The following IGF2BP2 variants were observed in gnomAD, a reference collection of about 807,000 sequenced individuals.
IGF2BP2 encodes the protein insulin-like growth factor 2 mRNA-binding protein 2.
IGF2BP2 carries 17 observed loss-of-function variants against 75.8 expected under a neutral mutation model. The observed-to-expected ratio is 0.22, with a 90% CI of 0.15 to 0.34. The LOEUF (loss-of-function observed/expected upper bound fraction) is 0.34, where lower values mean the gene tolerates loss of function less well. IGF2BP2 is among the 10% of genes least tolerant of loss of function. The pLI, the probability that IGF2BP2 is intolerant of heterozygous loss-of-function variation, is 1.00. For missense variants in IGF2BP2, 516 were observed against 772.4 expected (o/e 0.67, Z 3.93); for synonymous variants, 288 against 295.6 (o/e 0.97, Z 0.26).
At chr3:185,750,009 T>C (rs1458228803) in intron 2 of IGF2BP2, among the ~76,000 whole-genome samples, 1 of 152,188 alleles carries the variant, frequency 6.6e-6, no homozygotes, top group Non-Finnish European at 1.5e-5. Flanking sequence ...CCTAGCTCAG[T>C]TGTTTTGAAC....
At chr3:185,762,265 C>T (rs1732469245) in intron 2 of IGF2BP2, among the ~76,000 whole-genome samples, 1 of 151,244 alleles carries the variant, frequency 6.6e-6, no homozygotes, top group Non-Finnish European at 1.5e-5. Context: ...CGGTGGCTCA[C>T]ACCTGTAATC....
At chr3:185,733,555 G>A (rs1360288685) in intron 2 of IGF2BP2, among the ~76,000 whole-genome samples, 8 of 152,156 alleles carry the variant, frequency 5.3e-5, no homozygotes, top group South Asian at 4.1e-4. Flanking sequence ...TCGGGAGTTC[G>A]AGACCAGCCT....
chr3:185,725,655 G>C (rs1727221057), intron 2 of IGF2BP2, among the ~76,000 whole-genome samples: 1 of 152,134 alleles, frequency 6.6e-6, no homozygotes, highest in Admixed American at 6.5e-5. Flanking sequence ...TATAATCTAA[G>C]AAGTATCAAA....
chr3:185,657,235 G>A (rs1715591880), intron 12 of IGF2BP2, 51 bp downstream of exon 12: 1 of 1,248,416 alleles, frequency 8.0e-7, no homozygotes, highest in African/African-American at 1.5e-5. Flanking sequence ...AAGGGCCGTG[G>A]GATGAGAGGA....
At chr3:185,801,380 T>C (rs1411581977) in intron 2 of IGF2BP2, among the ~76,000 whole-genome samples, 3 of 150,528 alleles carry the variant, frequency 2.0e-5, no homozygotes, top group Non-Finnish European at 4.4e-5. Context: ...TCCCAGCTAC[T>C]CAGGAGGCTG....
chr3:185,814,148 A>C (rs914030653), intron 2 of IGF2BP2: 1 of 152,130 alleles, frequency 6.6e-6, no homozygotes, highest in Non-Finnish European at 1.5e-5. Flanking sequence ...TGGTTTAGTC[A>C]CCTACACTTC....
intron 2 of IGF2BP2, among the ~76,000 whole-genome samples, chr3:185,795,993 G>A (rs1030976797): frequency 1.3e-5 from 2 of 152,190 alleles, no homozygotes; most frequent in Non-Finnish European, 1.5e-5. Flanking sequence ...ATTGTATGAT[G>A]TAGAGGAAAA....
intron 10 of IGF2BP2, among the ~76,000 whole-genome samples, chr3:185,668,546 T>C (rs1202239735): frequency 1.4e-5 from 2 of 147,654 alleles, no homozygotes; most frequent in Non-Finnish European, 3.0e-5. Context: ...GTACTACATA[T>C]ATAGTTAAGT....
At chr3:185,723,995 C>T (rs753415667) in intron 2 of IGF2BP2, among the ~76,000 whole-genome samples, 4 of 152,178 alleles carry the variant, frequency 2.6e-5, no homozygotes, top group South Asian at 2.1e-4. Flanking sequence ...ACAAATCCAG[C>T]GCCAGACTAT....
chr3:185,752,502 G>A (rs1168260439), intron 2 of IGF2BP2, among the ~76,000 whole-genome samples: 9 of 152,050 alleles, frequency 5.9e-5, no homozygotes, highest in Non-Finnish European at 8.8e-5. Flanking sequence ...TTGTTTTAAT[G>A]GGAAATTTAA....
chr3:185,799,005 G>A (rs1469208777), intron 2 of IGF2BP2, among the ~76,000 whole-genome samples: 2 of 151,694 alleles, frequency 1.3e-5, no homozygotes, highest in Non-Finnish European at 2.9e-5. Flanking sequence ...CGAATTCCTA[G>A]GCTCAAGTGA....
At chr3:185,725,099 C>G (rs2149485475) in intron 2 of IGF2BP2, 1 of 152,258 alleles carries the variant, frequency 6.6e-6, no homozygotes, top group Non-Finnish European at 1.5e-5. Flanking sequence ...GTCAATTCAC[C>G]CCAGCTTTTG....
chr3:185,645,284 T>A lies in IGF2BP2; in HGVS notation c.*247A>T. ...GATGGTGAAGTGGATGGCTGAAGCC[T>A]GCAGAAGCCCTGGGGGGCGGGAGGC... is the stretch of plus-strand genomic sequence containing the variant. On this transcript the variant is annotated 3_prime_UTR_variant, in exon 16 of 16. Transcript: ENST00000382199. The surrounding 1 kb of genome is among the most constrained non-coding windows in gnomAD (Gnocchi z 4.9). 4 of 541,976 alleles carry A rather than the reference T, an allele frequency of 7.4e-6. No individual in the cohort carries two copies. Among genetic ancestry groups the A allele is most frequent in the Non-Finnish European group, 1.3e-5 (4 of 303,298 alleles). 33.6% of individuals were successfully genotyped at this position (541,976 alleles called of 1,614,324 possible).
intron 2 of IGF2BP2, chr3:185,722,387 T>C (rs1399579932): frequency 2.5e-6 from 1 of 393,962 alleles, no homozygotes; most frequent in Non-Finnish European, 5.0e-6. Flanking sequence ...CAACAAGAAC[T>C]GAATCACGCT....
chr3:185,800,803 G>A (rs1341672937), intron 2 of IGF2BP2, among the ~76,000 whole-genome samples: 1 of 152,126 alleles, frequency 6.6e-6, no homozygotes, highest in Non-Finnish European at 1.5e-5. Context: ...ACATAGGCAT[G>A]TGCAAAGATT....
At chr3:185,761,413 T>C (rs1410581597) in intron 2 of IGF2BP2, among the ~76,000 whole-genome samples, 1 of 152,148 alleles carries the variant, frequency 6.6e-6, no homozygotes, top group Non-Finnish European at 1.5e-5. Context: ...GGCTGATGCC[T>C]CCATTAATAT....
chr3:185,689,247 C>G (rs1721572471), intron 6 of IGF2BP2, 108 bp downstream of exon 6: 1 of 1,150,982 alleles, frequency 8.7e-7, no homozygotes, highest in Admixed American at 2.2e-5. Context: ...TCTTACAGCA[C>G]AGCCCCCCAC....
At position 185,649,532 on chromosome 3, in the gene IGF2BP2, G is replaced by A. The variant is rs748167323; in HGVS notation, c.1464C>T (p.Ala488=). 2 of 1,613,976 alleles carry A rather than the reference G, an allele frequency of 1.2e-6. No individual in the cohort carries two copies. The highest frequency in any genetic ancestry group is 2.2e-5 in the East Asian group (1 of 44,874). The change falls in exon 14 of 16, where the codon GCC becomes GCT. Residue 488 remains alanine, a splice_region_variant and synonymous_variant. Coordinates refer to ENST00000382199, the MANE Select transcript of IGF2BP2 (RefSeq NM_006548.6). Reference sequence around the variant, plus strand: ...TCAGTTTCCCAAAGATCCGTCCCTGGGCCTGAGAGAGCAAGACATGACTAA... The same window carrying A: ...TCAGTTTCCCAAAGATCCGTCCCTGAGCCTGAGAGAGCAAGACATGACTAA... ...ITGPPEAQFK[A]QGRIFGKLKE...
chr3:185,793,957 CTT>C (rs576340143), intron 2 of IGF2BP2, among the ~76,000 whole-genome samples: 39,919 of 124,680 alleles, frequency 0.32, 4,997 homozygotes, highest in African/African-American at 0.42. Context: ...AAGCAGATTC[CTT>C]TTTTTTTTTT....
Sources: allele counts gnomAD v4.1 joint callset (sites outside exome capture counted in the v4.1 genomes callset), GRCh38; gene constraint gnomAD v4.1.1; non-coding constraint Gnocchi (gnomAD v3.1); transcripts MANE v1.5; gene names NCBI Gene and HGNC (gene_info 2026-07-23, HGNC 2026-07-21).